The following APC2 variants were observed in gnomAD, a reference collection of about 807,000 sequenced individuals.
The protein encoded by APC2 is adenomatous polyposis coli protein 2.
A neutral mutation model predicts 72.5 loss-of-function variants in APC2; 41 were observed. The ratio of observed to expected loss-of-function variants is 0.57; its 90% CI spans 0.44 to 0.73. The LOEUF (loss-of-function observed/expected upper bound fraction) is 0.73. Among genes scored for constraint, APC2 ranks in the 30% least tolerant of loss-of-function variants. APC2 has a pLI of 0.00. For missense variants in APC2, 3,729 were observed against 3,403.4 expected (o/e 1.10, Z -2.38); for synonymous variants, 1,898 against 1,612.0 (o/e 1.18, Z -4.25).
chr19:1,465,568 AG>A lies in APC2; in HGVS notation c.2268del (p.Lys756AsnfsTer281). 6.4e-7 allele frequency: 1 copy of A among 1,554,116 alleles called. No homozygotes were observed. The highest frequency in any genetic ancestry group is 8.7e-7 in the Non-Finnish European group (1 of 1,151,380). The part of the protein sequence containing the change: ...GPPAAEAATK[K>X]PLPPLRHLDG... Reference sequence around the variant, plus strand: ...CCGGCAGCCGAGGCCGCCACTAAGAAGCCGCTGCCGCCCCTGCGACACCTGG... The same window carrying A: ...CCGGCAGCCGAGGCCGCCACTAAGAACCGCTGCCGCCCCTGCGACACCTGG... On this transcript the variant is annotated frameshift_variant, in exon 15 of 15. Coordinates refer to ENST00000590469, the MANE Select transcript of APC2 (RefSeq NM_005883.3). LOFTEE classifies it low-confidence loss of function (END_TRUNC).
intron 13 of APC2, chr19:1,461,538 G>GC (rs1258020595): frequency 5.8e-6 from 2 of 342,660 alleles, no homozygotes; most frequent in Non-Finnish European, 1.1e-5. Flanking sequence ...GGGCCACAGA[G>GC]CAAGACTGCG....
chr19:1,465,945 G>C lies in APC2; in HGVS notation c.2644G>C (p.Glu882Gln). The change falls in exon 15 of 15, where the codon GAG becomes CAG. Residue 882 changes from glutamate (E) to glutamine (Q), a missense_variant. Coordinates refer to ENST00000590469, the MANE Select transcript of APC2 (RefSeq NM_005883.3). ...FSLSSGDPGQ[E>Q]APREGRAQSC... is the part of the protein sequence containing the mutation. ...CCTCAGCTCTGGAGACCCGGGACAG[G>C]AGGCGCCACGGGAGGGCCGCGCCCA... The C allele has an allele frequency of 6.3e-7, 1 of 1,580,482 alleles. No individual in the cohort carries two copies. Among genetic ancestry groups the C allele is most frequent in the African/African-American group, 1.4e-5 (1 of 72,544 alleles).
Position 1,466,228 on chromosome 19 carries a change from C to T in APC2, c.2927C>T (p.Ala976Val). ...RLDLDLPGCQAEPPAREATSA... is the reference protein window; with the variant it reads ...RLDLDLPGCQVEPPAREATSA... ...GACCTTGACCTGCCCGGCTGCCAGG[C>T]CGAGCCCCCGGCCCGCGAGGCCACC... is the stretch of plus-strand genomic sequence containing the variant. Residue 976 changes from alanine (A) to valine (V), a missense_variant, in exon 15 of 15, where the codon GCC becomes GTC. Physicochemically the swap from Ala to Val is moderately conservative, Grantham distance 64 (BLOSUM62 0). Coordinates refer to ENST00000590469, the MANE Select transcript of APC2 (RefSeq NM_005883.3). 6.5e-7 allele frequency: 1 copy of T among 1,540,966 alleles called. No homozygotes were observed.
At chr19:1,454,892 A>AT (rs899001639) in intron 4 of APC2, among the ~76,000 whole-genome samples, 3 of 148,886 alleles carry the variant, frequency 2.0e-5, no homozygotes, top group Non-Finnish European at 4.5e-5. Flanking sequence ...TTTTATTTTT[A>AT]TTTTTTCCTT....
In APC2 at chr19:1,456,897, C is replaced by T; in HGVS notation, c.861C>T (p.Asp287=). 1 of 1,590,028 alleles carries T rather than the reference C, an allele frequency of 6.3e-7. No individual in the cohort carries two copies. Among genetic ancestry groups the T allele is most frequent in the Non-Finnish European group, 8.5e-7 (1 of 1,175,154 alleles). Residue 287 remains aspartate (D), a synonymous_variant, in exon 9 of 15, where the codon GAC becomes GAT. Coordinates refer to ENST00000590469, the MANE Select transcript of APC2 (RefSeq NM_005883.3). ...TGTTGTCCATGTTGGCGACGCGCGA[C>T]CAGGAGGATACAGCGCGCACGCTGC... ...FWLLSMLATR[D]QEDTARTLLA... is the part of the protein sequence containing the mutation.
rs747863722 is a variant in APC2, at chr19:1,469,440, C to G, written c.6139C>G (p.Arg2047Gly). 8.1e-5 allele frequency: 95 copies of G among 1,165,928 alleles called. 1 individual carries two copies. The South Asian group carries it at 3.0e-3, about 37-fold the overall frequency. The allele number at this position is 1,165,928 out of a possible 1,614,324, so 72.2% of individuals were successfully genotyped here. A position where few individuals can be genotyped will look rare whatever the true frequency, so the allele number is the denominator to read the frequency against. Residue 2047 changes from arginine to glycine, a missense_variant, in exon 15 of 15, where the codon CGA (arginine) becomes GGA (glycine). Coordinates refer to ENST00000590469, the MANE Select transcript of APC2 (RefSeq NM_005883.3). ...CTGCTCCTCGCGCTGCGAAGAGCTC[C>G]GAGCGGCACCCCGGCAGGGCCCGGC... Reference protein sequence around the residue: ...FLCSSRCEELRAAPRQGPAPA... With the variant: ...FLCSSRCEELGAAPRQGPAPA...
At chr19:1,463,641 T>C (rs1196025003) in intron 14 of APC2, among the ~76,000 whole-genome samples, 1 of 151,020 alleles carries the variant, frequency 6.6e-6, no homozygotes, top group Non-Finnish European at 1.5e-5. Flanking sequence ...TTCCAGCTAC[T>C]TAGGAGGCTG....
chr19:1,448,203 C>G (rs778831354), upstream of APC2, among the ~76,000 whole-genome samples: 4 of 152,222 alleles, frequency 2.6e-5, no homozygotes, highest in African/African-American at 4.8e-5. Flanking sequence ...CCAGACACCC[C>G]CTGTGTCCCA....
In APC2 at chr19:1,460,313, CCAA is replaced by C; in HGVS notation, c.1440_1442del (p.Asn480del). 1 of 1,613,430 alleles carries C rather than the reference CCAA, an allele frequency of 6.2e-7. No homozygotes were observed. ...ACCAACCTCACCTTTGGGGACGTTG[CCAA>C]CAAGGTGCCCGGGGGCAGTGGGTGG... On this transcript the variant is annotated inframe_deletion, in exon 11 of 15. Transcript: ENST00000590469.
In APC2 at chr19:1,466,012, A is replaced by G; in HGVS notation, c.2711A>G (p.Glu904Gly). ...CGCGGCCCGGAGGGCGGGCGGCGAG[A>G]GGCAGGAAGCCGGGCGCACCCGCTG... ...PCRGPEGGRR[E>G]AGSRAHPLLR... is the part of the protein sequence containing the mutation. Residue 904 changes from glutamate (E) to glycine (G), a missense_variant, in exon 15 of 15, where the codon GAG (glutamate) becomes GGG (glycine). Coordinates refer to ENST00000590469, the MANE Select transcript of APC2 (RefSeq NM_005883.3). 6.7e-7 allele frequency: 1 copy of G among 1,499,816 alleles called. No individual in the cohort carries two copies. The highest frequency in any genetic ancestry group is 1.3e-5 in the South Asian group (1 of 77,400). 92.9% of individuals were successfully genotyped at this position (1,499,816 alleles called of 1,614,324 possible).
chr19:1,460,357 A>T, intron 11 of APC2, 37 bp downstream of exon 11: 3 of 1,611,856 alleles, frequency 1.9e-6, no homozygotes, highest in Non-Finnish European at 2.5e-6. Context: ...CACTTTCCTC[A>T]TCCAGTCTTC....
In APC2 at chr19:1,467,368, G is replaced by T. The variant is rs748759018; in HGVS notation, c.4067G>T (p.Arg1356Leu). ...GGAGCCGCCGTGCCTGCCCGGCTGC[G>T]CAAGGTGGCCTCCGCGCTGGTGCCA... Reference protein sequence around the residue: ...CLGAAVPARLRKVASALVPGR... With the variant: ...CLGAAVPARLLKVASALVPGR... Residue 1356 changes from arginine (R) to leucine (L), a missense_variant, in exon 15 of 15, where the codon CGC (arginine) becomes CTC (leucine). Arg to Leu is a moderately radical substitution (Grantham distance 102, BLOSUM62 -2). Transcript: ENST00000590469. 1.1e-4 allele frequency: 162 copies of T among 1,478,290 alleles called. No homozygotes were observed. Among genetic ancestry groups the T allele is most frequent in the Non-Finnish European group, 1.4e-4 (156 of 1,119,670 alleles). The allele number at this position is 1,478,290 out of a possible 1,614,324, so 91.6% of individuals were successfully genotyped here.
At chr19:1,458,918 G>A (rs2656877) in intron 10 of APC2, among the ~76,000 whole-genome samples, 94,249 of 151,920 alleles carry the variant, frequency 0.62, 30,056 homozygotes, top group African/African-American at 0.76. Flanking sequence ...TCCTGGCCTC[G>A]GGTGATCCGC....
chr19:1,458,304 G>A, intron 10 of APC2: 2 of 559,638 alleles, frequency 3.6e-6, no homozygotes, highest in East Asian at 6.0e-5. Context: ...GTGACTTTCA[G>A]CCCTAAGTTC....
At chr19:1,456,432 G>A (rs956151226) in intron 8 of APC2, 28 bp downstream of exon 8, 5 of 1,560,186 alleles carry the variant, frequency 3.2e-6, no homozygotes, top group African/African-American at 2.7e-5. Context: ...ACGGGGGCTG[G>A]CGCAGCTGTC....
In APC2 at chr19:1,465,400, C is replaced by G. The variant is rs968096265; in HGVS notation, c.2099C>G (p.Ala700Gly). ...ALRNLLAHRP[A>G]KHQAAATAVS... is the part of the protein sequence containing the mutation. ...CGCAACCTGCTGGCCCATCGGCCCG[C>G]CAAGCACCAGGCGGCCGCCACCGCC... The change falls in exon 15 of 15, where the codon GCC (alanine) becomes GGC (glycine). Residue 700 changes from alanine to glycine, a missense_variant. Transcript: ENST00000590469. The G allele has an allele frequency of 3.8e-6, 6 of 1,563,052 alleles. No individual in the cohort carries two copies. In the African/African-American group the frequency reaches 8.1e-5, roughly 21 times the overall value.
intron 9 of APC2, 71 bp downstream of exon 9, chr19:1,457,314 A>G: frequency 2.1e-6 from 3 of 1,456,796 alleles, no homozygotes; most frequent in Non-Finnish European, 1.8e-6. Context: ...GGGATGGGCG[A>G]CTAGGACCTC....
chr19:1,468,100 G>C lies in APC2; in HGVS notation c.4799G>C (p.Arg1600Pro), dbSNP rs766265412. The C allele has an allele frequency of 2.9e-5, 45 of 1,530,286 alleles. No individual in the cohort carries two copies. The highest frequency in any genetic ancestry group is 1.3e-4 in the East Asian group (5 of 38,468). The allele number at this position is 1,530,286 out of a possible 1,614,324, so 94.8% of individuals were successfully genotyped here. ...EPSEPPAVHP[R>P]GREPAVTKDP... is the part of the protein sequence containing the mutation. ...TCGGAGCCGCCGGCCGTCCATCCAC[G>C]AGGCCGGGAGCCCGCGGTCACCAAG... Residue 1600 changes from arginine to proline, a missense_variant, in exon 15 of 15, where the codon CGA becomes CCA. Transcript: ENST00000590469.
Position 1,469,981 on chromosome 19 carries a change from G to A in APC2, c.6680G>A (p.Gly2227Asp), listed in dbSNP as rs1369385943. 2.0e-6 allele frequency: 3 copies of A among 1,526,308 alleles called. No homozygotes were observed. The highest frequency in any genetic ancestry group is 2.6e-6 in the Non-Finnish European group (3 of 1,141,992). 94.5% of individuals were successfully genotyped at this position (1,526,308 alleles called of 1,614,324 possible). Residue 2227 changes from glycine to aspartate, a missense_variant, in exon 15 of 15, where the codon GGC becomes GAC. Transcript: ENST00000590469. Reference sequence around the variant, plus strand: ...GCCGGCGGCCAGCTCTCCCTCCTCGGCAGCGACGTGGACGGTCCCAGCCTC... The same window carrying A: ...GCCGGCGGCCAGCTCTCCCTCCTCGACAGCGACGTGGACGGTCCCAGCCTC... The part of the protein sequence containing the change: ...APAGGQLSLL[G>D]SDVDGPSLAK...
Sources: gnomAD v4.1 joint callset for allele counts (sites outside exome capture counted in the v4.1 genomes callset) on GRCh38, gnomAD v4.1.1 for gene constraint, MANE v1.5 for transcripts, NCBI Gene and HGNC (gene_info 2026-07-23, HGNC 2026-07-21) for gene names.